Variants in SPAG16 observed in about 807,000 individuals in gnomAD.
The protein encoded by SPAG16 is sperm associated antigen 16.
In SPAG16, 86 loss-of-function variants were observed where a neutral mutation model predicts 80.4. The observed-to-expected ratio is 1.07, with a 90% CI of 0.90 to 1.28. The LOEUF (loss-of-function observed/expected upper bound fraction) is 1.28, where lower values mean the gene tolerates loss of function less well. Ranked by LOEUF, SPAG16 falls within the 50% of genes most tolerant of loss-of-function variation. The probability of loss-of-function intolerance (pLI) is 0.00; values close to 1 mark genes in which losing one functional copy is unlikely to be tolerated. For synonymous variants in SPAG16, 294 were observed against 265.9 expected, an observed-to-expected ratio of 1.11 and a Z score of -1.03; for missense variants, 870 against 765.3, an observed-to-expected ratio of 1.14 and a Z score of -1.61.
chr2:213,507,869 A>T (rs530900082), intron 10 of SPAG16, among the ~76,000 whole-genome samples: 1 of 152,268 alleles, frequency 6.6e-6, no homozygotes, highest in East Asian at 1.9e-4. Context: ...TTATCCCTTC[A>T]TTTTCCTCTA....
intron 9 of SPAG16, among the ~76,000 whole-genome samples, chr2:213,396,100 A>G (rs928409990): frequency 6.6e-6 from 1 of 152,156 alleles, no homozygotes; most frequent in East Asian, 1.9e-4. Flanking sequence ...AGTTTTTAAC[A>G]TATTTGGATA....
At chr2:213,396,203 A>G (rs1264336300) in intron 9 of SPAG16, among the ~76,000 whole-genome samples, 1 of 152,210 alleles carries the variant, frequency 6.6e-6, no homozygotes, top group Non-Finnish European at 1.5e-5. Context: ...TAAATTTAAT[A>G]GTAGGCTTGC....
chr2:214,287,153 T>A (rs780102293), intron 15 of SPAG16, among the ~76,000 whole-genome samples: 2 of 152,236 alleles, frequency 1.3e-5, no homozygotes, highest in Non-Finnish European at 2.9e-5. Flanking sequence ...TAATCATGCA[T>A]GGCCTGTTAC....
At chr2:213,410,890 T>TCCGGCACCCTGCGGGTCAGCCC (rs1401643271) in intron 9 of SPAG16, among the ~76,000 whole-genome samples, 2 of 152,158 alleles carry the variant, frequency 1.3e-5, no homozygotes, top group African/African-American at 4.8e-5. Context: ...TATCCTGAAG[T>TCCGGCACCCTGCGGGTCAGCCC]CCGGCACCCT....
chr2:214,166,415 C>G (rs946448256), intron 15 of SPAG16, among the ~76,000 whole-genome samples: 6 of 152,138 alleles, frequency 3.9e-5, no homozygotes, highest in African/African-American at 1.4e-4. Context: ...CCCTCCACGC[C>G]CCCGGGCTCG....
intron 12 of SPAG16, among the ~76,000 whole-genome samples, chr2:214,004,136 T>G (rs1453198962): frequency 6.6e-6 from 1 of 152,160 alleles, no homozygotes. Context: ...GAGTATAATT[T>G]GGGAGTTACT....
intron 12 of SPAG16, among the ~76,000 whole-genome samples, chr2:213,973,546 A>T (rs2045198203): frequency 6.6e-6 from 1 of 151,984 alleles, no homozygotes; most frequent in South Asian, 2.1e-4. Context: ...ACCGGTTAAC[A>T]TCTTCAGGAC....
chr2:213,911,495 C>G (rs1397761085), intron 11 of SPAG16, among the ~76,000 whole-genome samples: 1 of 152,080 alleles, frequency 6.6e-6, no homozygotes, highest in Non-Finnish European at 1.5e-5. Flanking sequence ...CTGAAAAATG[C>G]CAAGAATGCA....
At chr2:213,981,362 A>G (rs1048833890) in intron 12 of SPAG16, among the ~76,000 whole-genome samples, 1 of 152,092 alleles carries the variant, frequency 6.6e-6, no homozygotes, top group East Asian at 1.9e-4. Flanking sequence ...ATATTATAGT[A>G]TTCAAGGAGC....
At chr2:213,520,726 A>G (rs993017678) in intron 10 of SPAG16, among the ~76,000 whole-genome samples, 1 of 152,260 alleles carries the variant, frequency 6.6e-6, no homozygotes, top group Non-Finnish European at 1.5e-5. Context: ...TTTCCAAAAA[A>G]TACAAAGCAT....
Position 214,032,114 on chromosome 2 carries a change from T to C in SPAG16, c.1527+18037T>C, listed in dbSNP as rs536158978. ...CCCTTTTCCCCTCCCTTGCATGCAC[T>C]TTCTGGTTCACCTCCCAAATAAATG... On this transcript the variant is annotated intron_variant, in intron 13 of 15. Coordinates refer to ENST00000331683, the MANE Select transcript of SPAG16 (RefSeq NM_024532.5). Among the ~76,000 whole-genome samples, 89 of 152,322 alleles carry C rather than the reference T, an allele frequency of 5.8e-4. 1 individual carries two copies. Among genetic ancestry groups the C allele is most frequent in the African/African-American group, 2.1e-3 (86 of 41,572 alleles).
intron 15 of SPAG16, among the ~76,000 whole-genome samples, chr2:214,276,319 G>T (rs1439384956): frequency 6.6e-6 from 1 of 152,168 alleles, no homozygotes; most frequent in Non-Finnish European, 1.5e-5. Flanking sequence ...TGTTATGTGT[G>T]AATTTGATCC....
At chr2:213,801,307 G>A (rs747382962) in intron 10 of SPAG16, among the ~76,000 whole-genome samples, 1 of 152,130 alleles carries the variant, frequency 6.6e-6, no homozygotes, top group African/African-American at 2.4e-5. Context: ...TACTAATCAG[G>A]TGTCTTCAAA....
intron 10 of SPAG16, among the ~76,000 whole-genome samples, chr2:213,676,928 C>A (rs1374299780): frequency 6.6e-6 from 1 of 151,028 alleles, no homozygotes; most frequent in Non-Finnish European, 1.5e-5. Context: ...CCCTCTTTTT[C>A]TATTGATTGG....
intron 12 of SPAG16, among the ~76,000 whole-genome samples, chr2:213,971,356 A>T (rs968619484): frequency 1.3e-5 from 2 of 152,126 alleles, no homozygotes; most frequent in African/African-American, 4.8e-5. Flanking sequence ...AATAATTGAT[A>T]ATTTATTAAA....
intron 13 of SPAG16, among the ~76,000 whole-genome samples, chr2:214,046,681 C>T (rs185746803): frequency 2.0e-4 from 31 of 152,078 alleles, no homozygotes; most frequent in African/African-American, 6.7e-4. Context: ...GCTGGAAGTC[C>T]TAGTTAGAGC....
At chr2:214,348,308 T>C (rs1482347362) in intron 15 of SPAG16, among the ~76,000 whole-genome samples, 2 of 152,206 alleles carry the variant, frequency 1.3e-5, no homozygotes, top group Non-Finnish European at 1.5e-5. Flanking sequence ...GAGGGTGTTT[T>C]TCACATGGAA....
chr2:214,349,980 AT>A (rs1463765649), intron 15 of SPAG16, among the ~76,000 whole-genome samples: 3 of 152,014 alleles, frequency 2.0e-5, no homozygotes, highest in African/African-American at 4.8e-5. Flanking sequence ...TGTAGTGCAT[AT>A]TTTTTCCTAC....
chr2:213,857,101 G>T (rs956450553), intron 10 of SPAG16, among the ~76,000 whole-genome samples: 6 of 152,046 alleles, frequency 3.9e-5, no homozygotes, highest in Non-Finnish European at 8.8e-5. Context: ...ATGGTGGCGG[G>T]CGCCTGAAAT....
Sources: gnomAD v4.1 joint callset for allele counts (sites outside exome capture counted in the v4.1 genomes callset) on GRCh38, gnomAD v4.1.1 for gene constraint, MANE v1.5 for transcripts, NCBI Gene and HGNC (gene_info 2026-07-23, HGNC 2026-07-21) for gene names.